The following LEKR1 variants were observed in gnomAD, a reference collection of about 807,000 sequenced individuals.
The protein encoded by LEKR1 is leucine, glutamate and lysine rich 1.
LEKR1 carries 59 observed loss-of-function variants against 72.4 expected under a neutral mutation model. The ratio of observed to expected loss-of-function variants is 0.82; its 90% CI spans 0.66 to 1.01. The LOEUF (loss-of-function observed/expected upper bound fraction) is 1.01. Among genes scored for constraint, LEKR1 ranks in the 50% least tolerant of loss-of-function variants. The pLI is 0.00. For missense variants in LEKR1, 728 were observed against 759.2 expected, an observed-to-expected ratio of 0.96 and a Z score of 0.48; for synonymous variants, 257 against 263.2, an observed-to-expected ratio of 0.98 and a Z score of 0.23.
intron 3 of LEKR1, among the ~76,000 whole-genome samples, chr3:156,906,073 T>C (rs1158817892): frequency 6.6e-6 from 1 of 152,110 alleles, no homozygotes; most frequent in African/African-American, 2.4e-5. Context: ...AACCAGGAGC[T>C]TGACAAAAAA....
At chr3:156,899,686 A>G (rs1049393225) in intron 3 of LEKR1, among the ~76,000 whole-genome samples, 1 of 143,828 alleles carries the variant, frequency 7.0e-6, no homozygotes, top group Non-Finnish European at 1.5e-5. Context: ...ACACGCATAT[A>G]TACACATATA....
intron 6 of LEKR1, among the ~76,000 whole-genome samples, chr3:156,973,239 T>C (rs73873752): frequency 0.048 from 7,375 of 152,140 alleles, 634 homozygotes; most frequent in African/African-American, 0.17. Context: ...CAGATAAGGT[T>C]CCTGTTCTCA....
intron 3 of LEKR1, among the ~76,000 whole-genome samples, chr3:156,869,821 G>A (rs1245793613): frequency 6.6e-6 from 1 of 151,864 alleles, no homozygotes; most frequent in East Asian, 1.9e-4. Flanking sequence ...GTTTTCTCAT[G>A]GTAGTTTTAT....
chr3:156,962,444 A>G (rs920741475), intron 6 of LEKR1, among the ~76,000 whole-genome samples: 1 of 152,256 alleles, frequency 6.6e-6, no homozygotes, highest in African/African-American at 2.4e-5. Context: ...ATGGACAAAA[A>G]GTTTAGCCTG....
intron 2 of LEKR1, among the ~76,000 whole-genome samples, chr3:156,845,309 G>A (rs1714452188): frequency 6.6e-6 from 1 of 151,730 alleles, no homozygotes; most frequent in African/African-American, 2.4e-5. Flanking sequence ...TCTTTGCAAG[G>A]TCTTTTACAG....
At chr3:156,973,265 A>G (rs1421293199) in intron 6 of LEKR1, among the ~76,000 whole-genome samples, 1 of 152,132 alleles carries the variant, frequency 6.6e-6, no homozygotes, top group Non-Finnish European at 1.5e-5. Flanking sequence ...CTTACATTCT[A>G]GTAAGTTTAC....
intron 12 of LEKR1, among the ~76,000 whole-genome samples, chr3:157,044,233 T>C (rs1735580757): frequency 6.6e-6 from 1 of 152,238 alleles, no homozygotes; most frequent in Non-Finnish European, 1.5e-5. Context: ...CTCATTTTAC[T>C]TGTGTTTACT....
chr3:156,889,050 A>T lies in LEKR1; in HGVS notation c.264-31525A>T, dbSNP rs539362906. 4.6e-5 allele frequency among the ~76,000 whole-genome samples: 7 copies of T among 152,290 alleles called. No individual in the cohort carries two copies. The East Asian group carries it at 1.3e-3, about 29-fold the overall frequency. ...CTCATATGCTTTTATCTAGGAGAATACATTATCATTTTCTCCATTTCCTAT... is the reference window on the plus strand; with the variant it reads ...CTCATATGCTTTTATCTAGGAGAATTCATTATCATTTTCTCCATTTCCTAT... On this transcript the variant is annotated intron_variant, in intron 3 of 12. Transcript: ENST00000356539.
At chr3:156,855,514 G>T (rs754361951) in intron 3 of LEKR1, among the ~76,000 whole-genome samples, 1 of 151,806 alleles carries the variant, frequency 6.6e-6, no homozygotes, top group Non-Finnish European at 1.5e-5. Context: ...TATAATATTG[G>T]CATTATACTG....
intron 2 of LEKR1, among the ~76,000 whole-genome samples, chr3:156,850,444 C>CA (rs1346246543): frequency 6.6e-6 from 1 of 152,054 alleles, no homozygotes; most frequent in Non-Finnish European, 1.5e-5. Flanking sequence ...AGCCACAACT[C>CA]AAGAGGGTCT....
chr3:157,005,533 T>G (rs899300140), intron 9 of LEKR1, among the ~76,000 whole-genome samples: 36 of 152,082 alleles, frequency 2.4e-4, no homozygotes, highest in African/African-American at 8.7e-4. Context: ...CTAATGAGCA[T>G]TGATACAAAA....
chr3:157,022,447 T>C (rs974667207), intron 10 of LEKR1, among the ~76,000 whole-genome samples: 3 of 152,122 alleles, frequency 2.0e-5, no homozygotes, highest in Non-Finnish European at 4.4e-5. Context: ...TGATGAAAGT[T>C]GAGACATAGA....
chr3:156,893,936 T>A (rs1720927708), intron 3 of LEKR1, among the ~76,000 whole-genome samples: 1 of 152,156 alleles, frequency 6.6e-6, no homozygotes, highest in African/African-American at 2.4e-5. Context: ...ATGGGACACA[T>A]TGGCTTGCTG....
intron 6 of LEKR1, among the ~76,000 whole-genome samples, chr3:156,947,568 G>A (rs1000375053): frequency 2.0e-5 from 3 of 150,970 alleles, no homozygotes; most frequent in African/African-American, 7.3e-5. Flanking sequence ...ACTTTACTGT[G>A]GCATTAAAGC....
At chr3:156,829,610 C>G (rs552923920) in intron 2 of LEKR1, among the ~76,000 whole-genome samples, 78 of 152,280 alleles carry the variant, frequency 5.1e-4, no homozygotes, top group Admixed American at 5.0e-3. Flanking sequence ...CAGTATTTGA[C>G]CAGGTGGTTG....
At chr3:156,874,452 G>C (rs927022638) in intron 3 of LEKR1, among the ~76,000 whole-genome samples, 1 of 152,030 alleles carries the variant, frequency 6.6e-6, no homozygotes, top group Non-Finnish European at 1.5e-5. Flanking sequence ...TAATAAACTA[G>C]TAGTTCTCCT....
chr3:156,901,101 G>A (rs1286655515), intron 3 of LEKR1, among the ~76,000 whole-genome samples: 1 of 150,502 alleles, frequency 6.6e-6, no homozygotes, highest in Non-Finnish European at 1.5e-5. Context: ...CAGTAGCTGG[G>A]ATTATACGTA....
At chr3:157,005,814 A>C (rs530773554) in intron 9 of LEKR1, among the ~76,000 whole-genome samples, 1 of 152,202 alleles carries the variant, frequency 6.6e-6, no homozygotes, top group Non-Finnish European at 1.5e-5. Flanking sequence ...TTTCTATAAT[A>C]TACAATGATA....
chr3:157,013,727 T>C (rs1443266044), intron 10 of LEKR1, among the ~76,000 whole-genome samples: 1 of 152,088 alleles, frequency 6.6e-6, no homozygotes, highest in Non-Finnish European at 1.5e-5. Flanking sequence ...AGACTATGAA[T>C]AAAAAGTTCT....
Sources: gnomAD v4.1 joint callset for allele counts (sites outside exome capture counted in the v4.1 genomes callset) on GRCh38, gnomAD v4.1.1 for gene constraint, MANE v1.5 for transcripts, NCBI Gene and HGNC (gene_info 2026-07-23, HGNC 2026-07-21) for gene names.